Variants in ACOT11 observed in about 807,000 individuals in gnomAD.
The protein encoded by ACOT11 is acyl-coenzyme A thioesterase 11.
In ACOT11, 69 loss-of-function variants were observed where a neutral mutation model predicts 77.5. The observed-to-expected ratio is 0.89, with a 90% CI of 0.73 to 1.09. The LOEUF is 1.09. Ranked by LOEUF, ACOT11 falls within the 50% of genes least tolerant of loss-of-function variation. ACOT11 has a pLI of 0.00. For missense variants in ACOT11, 766 were observed against 813.7 expected, an observed-to-expected ratio of 0.94 and a Z score of 0.71; for synonymous variants, 279 against 313.0, an observed-to-expected ratio of 0.89 and a Z score of 1.15.
chr1:54,612,310 T>G (rs1644127276), downstream of ACOT11, among the ~76,000 whole-genome samples: 1 of 151,652 alleles, frequency 6.6e-6, no homozygotes. Context: ...TGGGAGGTAG[T>G]GAGTAGCCCG....
chr1:54,614,910 A>G (rs761733116), downstream of ACOT11: 6 of 1,583,018 alleles, frequency 3.8e-6, no homozygotes, highest in Admixed American at 3.4e-5. Context: ...AACTAGGAAT[A>G]CATGACTCCC....
At chr1:54,601,806 A>C (rs575199790) in intron 9 of ACOT11, among the ~76,000 whole-genome samples, 1 of 152,290 alleles carries the variant, frequency 6.6e-6, no homozygotes, top group East Asian at 1.9e-4. Context: ...TCCCTACCTC[A>C]CAGGACTGTG....
At chr1:54,635,536 C>A in exon 17 of ACOT11, 1 of 192,316 alleles carries the variant, frequency 5.2e-6, no homozygotes, top group South Asian at 8.5e-5. Context: ...TTGGATATAG[C>A]AAAATTAAAA....
At chr1:54,619,755 TA>T in intron 15 of ACOT11, 1 of 1,165,792 alleles carries the variant, frequency 8.6e-7, no homozygotes, top group Non-Finnish European at 1.2e-6. Context: ...GAAAGACATG[TA>T]AACAGCCATC....
In ACOT11 at chr1:54,607,771, CAGCCTGGCCCTG is replaced by C. The variant is rs1644046266; in HGVS notation, c.1503-166_1503-155del. 6.6e-6 allele frequency among the ~76,000 whole-genome samples: 1 copy of C among 152,168 alleles called. No homozygotes were observed. Among genetic ancestry groups the C allele is most frequent in the Admixed American group, 6.5e-5 (1 of 15,288 alleles). On this transcript the variant is annotated intron_variant, in intron 14 of 15. Transcript: ENST00000343744. This position sits in a 1 kb window ranked among gnomAD's most constrained non-coding sequence, Gnocchi z 4.5. ...CTAACCCACAGGTACCTCCTCCCTC[CAGCCTGGCCCTG>C]AGCCCCGCATTGGGGCTTTAAGAGT... is the stretch of plus-strand genomic sequence containing the variant.
At position 54,607,343 on chromosome 1, in the gene ACOT11, G is replaced by C. The variant is rs181216876; in HGVS notation, c.1502+78G>C. 600 of 1,587,808 alleles carry C rather than the reference G, an allele frequency of 3.8e-4. 4 individuals carry two copies. In the East Asian group the frequency reaches 0.013, roughly 34 times the overall value. On this transcript the variant is annotated intron_variant, in intron 14 of 15. Transcript: ENST00000343744. The surrounding 1 kb of genome is among the most constrained non-coding windows in gnomAD (Gnocchi z 4.5). ...GTGGCCGCTTCTCCCTCCCAGGGAA[G>C]GGCATCAGCCTGGAGCCAGAGCTCT... is the stretch of plus-strand genomic sequence containing the variant.
At chr1:54,569,350 C>T (rs1653855863) in intron 1 of ACOT11, among the ~76,000 whole-genome samples, 1 of 152,124 alleles carries the variant, frequency 6.6e-6, no homozygotes, top group Non-Finnish European at 1.5e-5. Context: ...CTTGGTTTTA[C>T]ACTTTACTAG....
chr1:54,571,514 T>C (rs1653931168), intron 1 of ACOT11, among the ~76,000 whole-genome samples: 1 of 152,156 alleles, frequency 6.6e-6, no homozygotes, highest in African/African-American at 2.4e-5. Context: ...GACTAGATTG[T>C]GCTCAGCTCT....
At chr1:54,601,139 A>ACGTGTGTGTGTGTGCATG (rs1643957574) in intron 8 of ACOT11, 130 bp from the exon 9 acceptor site, 1 of 913,632 alleles carries the variant, frequency 1.1e-6, no homozygotes, top group East Asian at 3.4e-5. Context: ...GTGTGTGCAT[A>ACGTGTGTGTGTGTGCATG]CGTGTGTGTG....
rs1240054986 is a variant in ACOT11, at chr1:54,574,727, C to T, written c.34-9928C>T. ...GGGGCCGGGATTCAAATGCAATCTA[C>T]CTGTCTCAAGAACCCACTGTCCACC... On this transcript the variant is annotated intron_variant, in intron 1 of 15. Coordinates refer to ENST00000343744, the MANE Select transcript of ACOT11 (RefSeq NM_147161.4). Among the ~76,000 whole-genome samples, 6 of 152,278 alleles carry T rather than the reference C, an allele frequency of 3.9e-5. No individual in the cohort carries two copies. In the South Asian group the frequency reaches 1.0e-3, roughly 26 times the overall value.
chr1:54,602,823 TGGGCCCTGGGCC>T, intron 10 of ACOT11, 99 bp downstream of exon 10: 1 of 1,290,988 alleles, frequency 7.7e-7, no homozygotes. Context: ...GCCTGTGCGT[TGGGCCCTGGGCC>T]GGGCCCTTTA....
In ACOT11 at chr1:54,607,863, C is replaced by T. The variant is rs1017720196; in HGVS notation, c.1503-79C>T. 214 of 1,574,030 alleles carry T rather than the reference C, an allele frequency of 1.4e-4. No individual in the cohort carries two copies. The highest frequency in any genetic ancestry group is 1.7e-4 in the Middle Eastern group (1 of 5,786). On this transcript the variant is annotated intron_variant, in intron 14 of 15. Transcript: ENST00000343744. This position sits in a 1 kb window ranked among gnomAD's most constrained non-coding sequence, Gnocchi z 4.5. ...ATCTGTGCTAGAGGGGGCAGGGTCT[C>T]GGCCTTGGTTGGGCAGAACAGGCCC...
chr1:54,551,437 T>C (rs759290771), intron 1 of ACOT11, among the ~76,000 whole-genome samples: 3 of 152,200 alleles, frequency 2.0e-5, no homozygotes, highest in Non-Finnish European at 4.4e-5. Flanking sequence ...AGTGTGGTGG[T>C]GCGGGAAAGG....
chr1:54,595,367 T>C (rs1173932137), intron 6 of ACOT11, among the ~76,000 whole-genome samples: 3 of 152,074 alleles, frequency 2.0e-5, no homozygotes, highest in Non-Finnish European at 4.4e-5. Flanking sequence ...AATAAGTATA[T>C]AGCATATATA....
At chr1:54,635,512 C>A in exon 17 of ACOT11, 1 of 200,348 alleles carries the variant, frequency 5.0e-6, no homozygotes, top group Non-Finnish European at 1.0e-5. Context: ...GAAGGACACT[C>A]TACAAACTTG....
At chr1:54,610,483 T>C (rs559219800), downstream of ACOT11, 1 of 1,500,936 alleles carries the variant, frequency 6.7e-7, no homozygotes, top group East Asian at 2.2e-5. Flanking sequence ...ATTCAGACCG[T>C]CATCCCCAGG....
intron 15 of ACOT11, among the ~76,000 whole-genome samples, chr1:54,629,278 GT>G (rs1644287684): frequency 7.6e-6 from 1 of 132,338 alleles, no homozygotes; most frequent in African/African-American, 2.6e-5. Context: ...AAATAACATG[GT>G]TTTTTTCTTT....
rs1412389493 is a variant in ACOT11 at position 54,634,718 on chromosome 1, C to T, written c.1813C>T (p.Gln605Ter). Residue 605 changes from glutamine (Q) to a stop codon, truncating the protein, a stop_gained, in exon 17 of 17, where the codon CAA becomes TAA. Coordinates refer to the ACOT11 transcript ENST00000371316. LOFTEE classifies it high-confidence loss of function. ...AATCAACAGCCGATTTGGATACCTT[C>T]AAGACACCTGAAACCTTATCATGAG... 1 of 702,602 alleles carries T rather than the reference C, an allele frequency of 1.4e-6. No homozygotes were observed. The highest frequency in any genetic ancestry group is 2.6e-6 in the Non-Finnish European group (1 of 384,850). The allele number at this position is 702,602 out of a possible 1,614,324, so 43.5% of individuals were successfully genotyped here. A position where few individuals can be genotyped will look rare whatever the true frequency, so the allele number is the denominator to read the frequency against.
At chr1:54,602,285 C>A (rs1643974068) in intron 9 of ACOT11, among the ~76,000 whole-genome samples, 1 of 152,258 alleles carries the variant, frequency 6.6e-6, no homozygotes, top group Admixed American at 6.5e-5. Flanking sequence ...GCACCAGCCC[C>A]AGCCTCAGAG....
Sources: gnomAD v4.1 joint callset for allele counts (sites outside exome capture counted in the v4.1 genomes callset) on GRCh38, gnomAD v4.1.1 for gene constraint, Gnocchi (gnomAD v3.1) non-coding constraint, MANE v1.5 for transcripts, NCBI Gene and HGNC (gene_info 2026-07-23, HGNC 2026-07-21) for gene names.